Variants in EXOC6B observed in about 807,000 individuals in gnomAD.
EXOC6B encodes the protein SEC15 homolog B.
Under a neutral mutation model 113.5 loss-of-function variants are expected in EXOC6B, and 54 were observed. That is an observed-to-expected ratio of 0.48 (90% confidence interval 0.38 to 0.60). EXOC6B has a LOEUF of 0.60. Ranked by LOEUF, EXOC6B falls within the 20% of genes least tolerant of loss-of-function variation. The probability of loss-of-function intolerance (pLI) is 0.00; values close to 1 mark genes in which losing one functional copy is unlikely to be tolerated. For missense variants in EXOC6B, 797 were observed against 977.5 expected (o/e 0.82, Z 2.46); for synonymous variants, 357 against 339.0 (o/e 1.05, Z -0.58).
chr2:72,509,413 T>A (rs1233848532), intron 11 of EXOC6B, among the ~76,000 whole-genome samples: 1 of 152,210 alleles, frequency 6.6e-6, no homozygotes, highest in Non-Finnish European at 1.5e-5. Flanking sequence ...TTCAAAATAA[T>A]TAAAGAGAGT....
chr2:72,615,588 TAA>T (rs754361086), intron 6 of EXOC6B, among the ~76,000 whole-genome samples: 11 of 120,828 alleles, frequency 9.1e-5, no homozygotes, highest in Admixed American at 1.7e-4. Flanking sequence ...ATGCTGATAT[TAA>T]AAAAAAAAAA....
intron 6 of EXOC6B, among the ~76,000 whole-genome samples, chr2:72,665,964 T>C (rs1274176953): frequency 2.0e-5 from 3 of 152,148 alleles, no homozygotes; most frequent in South Asian, 2.1e-4. Context: ...TTAACACTCA[T>C]AGACTCAAAG....
At chr2:72,330,662 A>C (rs1688370156) in intron 20 of EXOC6B, among the ~76,000 whole-genome samples, 1 of 152,122 alleles carries the variant, frequency 6.6e-6, no homozygotes, top group East Asian at 1.9e-4. Flanking sequence ...ATAGGTACAA[A>C]CTTGCTCTTC....
At position 72,372,537 on chromosome 2, in the gene EXOC6B, T is replaced by C. The variant is rs534542367; in HGVS notation, c.2122+7192A>G. Reference sequence around the variant, plus strand: ...TCACATACCTATAGTAAATTCCTTTTAGAGAAAGGTGTCAAGAACACACAC... The same window carrying C: ...TCACATACCTATAGTAAATTCCTTTCAGAGAAAGGTGTCAAGAACACACAC... On this transcript the variant is annotated intron_variant, in intron 19 of 21. Transcript: ENST00000272427. Among the ~76,000 whole-genome samples, 374 of 152,232 alleles carry C rather than the reference T, an allele frequency of 2.5e-3. 2 individuals carry two copies. The highest frequency in any genetic ancestry group is 8.3e-3 in the African/African-American group (344 of 41,534).
chr2:72,203,929 G>A (rs1679661292), intron 20 of EXOC6B, among the ~76,000 whole-genome samples: 1 of 152,180 alleles, frequency 6.6e-6, no homozygotes, highest in African/African-American at 2.4e-5. Context: ...GCATCTCTAA[G>A]CTTCTGGAAT....
At chr2:72,781,444 T>A (rs953762418) in intron 1 of EXOC6B, among the ~76,000 whole-genome samples, 2 of 152,240 alleles carry the variant, frequency 1.3e-5, no homozygotes, top group Non-Finnish European at 1.5e-5. Context: ...CAGCCAATTA[T>A]CTAGAGTCAG....
intron 20 of EXOC6B, chr2:72,289,054 C>T (rs1022337804): frequency 1.7e-5 from 5 of 294,278 alleles, no homozygotes; most frequent in East Asian, 9.3e-5. Context: ...GCTGGTATCA[C>T]GGACCAAGAA....
chr2:72,324,569 TAATTA>T (rs1380029933), intron 20 of EXOC6B, among the ~76,000 whole-genome samples: 1 of 152,192 alleles, frequency 6.6e-6, no homozygotes, highest in Non-Finnish European at 1.5e-5. Flanking sequence ...ATAAGCAACA[TAATTA>T]TATTGTCTTA....
At chr2:72,813,264 T>C (rs553878532) in intron 1 of EXOC6B, among the ~76,000 whole-genome samples, 11 of 152,052 alleles carry the variant, frequency 7.2e-5, no homozygotes, top group African/African-American at 2.7e-4. Context: ...TAATTTTTGT[T>C]TTCTGTAGAG....
At chr2:72,640,875 A>G (rs1030518198) in intron 6 of EXOC6B, among the ~76,000 whole-genome samples, 1 of 152,210 alleles carries the variant, frequency 6.6e-6, no homozygotes, top group Non-Finnish European at 1.5e-5. Flanking sequence ...AAGACAAAGA[A>G]GGACATTACA....
At chr2:72,459,539 C>T in intron 18 of EXOC6B, among the ~76,000 whole-genome samples, 1 of 152,134 alleles carries the variant, frequency 6.6e-6, no homozygotes. Context: ...ACAAAAGTCA[C>T]AAGCATTCTT....
chr2:72,408,625 C>T (rs1350947315), intron 18 of EXOC6B, among the ~76,000 whole-genome samples: 1 of 152,134 alleles, frequency 6.6e-6, no homozygotes, highest in Non-Finnish European at 1.5e-5. Context: ...GAACGACTCC[C>T]TATTTAATAA....
Position 72,325,190 on chromosome 2 carries a change from G to A in EXOC6B, c.2196+9757C>T, listed in dbSNP as rs186374332. Among the ~76,000 whole-genome samples the A allele has an allele frequency of 1.4e-3, 211 of 152,096 alleles. 1 individual carries two copies. Among genetic ancestry groups the A allele is most frequent in the African/African-American group, 4.7e-3 (197 of 41,474 alleles). On this transcript the variant is annotated intron_variant, in intron 20 of 21. Transcript: ENST00000272427. ...TCCCTTAACCGCATCTGAGAATGTC[G>A]CATCATCTCTCTCACTCTCTCCACA...
At chr2:72,732,873 G>C (rs1169336492) in intron 3 of EXOC6B, among the ~76,000 whole-genome samples, 198 bp downstream of exon 3, 2 of 152,132 alleles carry the variant, frequency 1.3e-5, no homozygotes, top group African/African-American at 2.4e-5. Flanking sequence ...GCACAACTAA[G>C]AAGCCTGTAT....
chr2:72,637,816 T>G (rs1221783420), intron 6 of EXOC6B, among the ~76,000 whole-genome samples: 1 of 144,874 alleles, frequency 6.9e-6, no homozygotes, highest in African/African-American at 2.5e-5. Flanking sequence ...TGAAACCAAA[T>G]GATAATGGAA....
intron 8 of EXOC6B, among the ~76,000 whole-genome samples, chr2:72,548,068 G>C (rs1703005022): frequency 6.6e-6 from 1 of 151,966 alleles, no homozygotes; most frequent in Non-Finnish European, 1.5e-5. Flanking sequence ...TTTTATCAAA[G>C]ACCATGTCTC....
intron 1 of EXOC6B, among the ~76,000 whole-genome samples, chr2:72,789,794 G>A (rs1335730630): frequency 3.3e-5 from 5 of 152,064 alleles, no homozygotes; most frequent in Non-Finnish European, 5.9e-5. Flanking sequence ...ATTGAATCTA[G>A]GTGATTGTTC....
At chr2:72,531,102 T>G (rs1027463432) in intron 8 of EXOC6B, among the ~76,000 whole-genome samples, 1 of 152,168 alleles carries the variant, frequency 6.6e-6, no homozygotes, top group Non-Finnish European at 1.5e-5. Context: ...GTCAGGTTTT[T>G]TTGTGTTGTT....
rs11292877 is a variant in EXOC6B, at chr2:72,461,356, T to TA, written c.1980+3803dup. 147 of 138,546 alleles carry TA rather than the reference T, an allele frequency of 1.1e-3. 1 individual carries two copies. The highest frequency in any genetic ancestry group is 1.8e-3 in the African/African-American group (70 of 37,886). The allele number at this position is 138,546 out of a possible 1,614,324, so 8.6% of individuals were successfully genotyped here. ...ACATGTACCCTAAAACTTAAAGTAT[T>TA]AAAAAAAAAAAAAGAAATAAGGATA... On this transcript the variant is annotated intron_variant, in intron 18 of 21. Transcript: ENST00000272427.
Sources: gnomAD v4.1 joint callset for allele counts (sites outside exome capture counted in the v4.1 genomes callset) on GRCh38, gnomAD v4.1.1 for gene constraint, MANE v1.5 for transcripts, NCBI Gene and HGNC (gene_info 2026-07-23, HGNC 2026-07-21) for gene names.